The following CARNS1 variants were observed in gnomAD, a reference collection of about 807,000 sequenced individuals.
CARNS1 encodes ATP-grasp domain containing 1.
A neutral mutation model predicts 74.0 loss-of-function variants in CARNS1; 61 were observed. The ratio of observed to expected loss-of-function variants is 0.82; its 90% CI spans 0.67 to 1.02. The LOEUF (loss-of-function observed/expected upper bound fraction) is 1.02, where lower values mean the gene tolerates loss of function less well. CARNS1 is among the 50% of genes least tolerant of loss of function. CARNS1 has a pLI of 0.00. For missense variants in CARNS1, 1,278 were observed against 1,308.4 expected (o/e 0.98, Z 0.36); for synonymous variants, 568 against 605.5 (o/e 0.94, Z 0.91).
Position 67,420,600 on chromosome 11 carries a change from C to A in CARNS1, c.1114-9C>A. The A allele has an allele frequency of 8.1e-7, 1 of 1,237,034 alleles. No homozygotes were observed. Among genetic ancestry groups the A allele is most frequent in the Non-Finnish European group, 1.0e-6 (1 of 990,724 alleles). The allele number at this position is 1,237,034 out of a possible 1,614,324, so 76.6% of individuals were successfully genotyped here. ...GTGTGGGCCTCCCCCTGAGTCTCCC[C>A]CTGCCCAGGTGGTGTGCGGCGTGGG... On this transcript the variant is annotated splice_polypyrimidine_tract_variant and intron_variant, in intron 7 of 9. Transcript: ENST00000687366.
rs773632607 is a variant in CARNS1 at position 67,419,565 on chromosome 11, G to A, written c.931G>A (p.Val311Met). 2.3e-5 allele frequency: 37 copies of A among 1,607,142 alleles called. No homozygotes were observed. In the Admixed American group the frequency reaches 5.2e-4, roughly 23 times the overall value. The change falls in exon 6 of 10, where the codon GTG becomes ATG. Residue 311 changes from valine (V) to methionine (M), a missense_variant. Around this residue, in one of 3 missense-constraint regions of CARNS1, gnomAD observed 1,164 missense variants for 1,156.5 expected, o/e 1.01. Coordinates refer to ENST00000687366, the MANE Select transcript of CARNS1 (RefSeq NM_001166222.2). ...GCACCCGCGGGCAGAGCTGGGTGCA[G>A]TGGTGGACACAGTGCTGGCGCTGCT... ...RLHPRAELGA[V>M]VDTVLALLEK...
In CARNS1 at chr11:67,424,321, A is replaced by C; in HGVS notation, c.2573A>C (p.His858Pro). ...ALPTRPRARGHLVGVMCLVSQ... is the reference protein window; with the variant it reads ...ALPTRPRARGPLVGVMCLVSQ... ...CCCACCCGCCCACGTGCTCGTGGCC[A>C]TCTGGTGGGCGTCATGTGCCTTGTG... The change falls in exon 10 of 10, where the codon CAT becomes CCT. Residue 858 changes from histidine (H) to proline (P), a missense_variant. This residue lies in a region of CARNS1 where 1,164 missense variants were observed against 1,156.5 expected (regional missense o/e 1.01). Coordinates refer to ENST00000687366, the MANE Select transcript of CARNS1 (RefSeq NM_001166222.2). 4 of 1,611,020 alleles carry C rather than the reference A, an allele frequency of 2.5e-6. No individual in the cohort carries two copies. Among genetic ancestry groups the C allele is most frequent in the Non-Finnish European group, 3.4e-6 (4 of 1,179,028 alleles).
At chr11:67,416,497 G>A in intron 2 of CARNS1, 1 of 1,270,532 alleles carries the variant, frequency 7.9e-7, no homozygotes, top group Non-Finnish European at 1.0e-6. Context: ...ATGAGGCCCA[G>A]TCCTCTGCCG....
rs915309466 is a variant in CARNS1 at position 67,420,228 on chromosome 11, G to A, written c.1114-381G>A. On this transcript the variant is annotated intron_variant, in intron 7 of 9. Coordinates refer to ENST00000687366, the MANE Select transcript of CARNS1 (RefSeq NM_001166222.2). ...CAGGAAGGCTTACGGACCCTCCTGA[G>A]TACCCCGCTCTAGGCTACACTGAGA... Among the ~76,000 whole-genome samples the A allele has an allele frequency of 4.6e-5, 7 of 152,176 alleles. 1 individual carries two copies. The South Asian group carries it at 1.4e-3, about 31-fold the overall frequency.
In CARNS1 at chr11:67,416,903, G is replaced by C. The variant is rs140685154; in HGVS notation, c.4-504G>C. On this transcript the variant is annotated intron_variant, in intron 2 of 9. Transcript: ENST00000687366. ...CAGTAGGGCTTCAAGACCTACGTGG[G>C]GATGACAGTGGAATCACATTTAGGT... 3.6e-4 allele frequency: 351 copies of C among 986,936 alleles called. No homozygotes were observed. The African/African-American group carries it at 5.6e-3, about 16-fold the overall frequency. The allele number at this position is 986,936 out of a possible 1,614,324, so 61.1% of individuals were successfully genotyped here.
At position 67,423,515 on chromosome 11, in the gene CARNS1, G is replaced by A. The variant is rs769565098; in HGVS notation, c.1767G>A (p.Lys589=). 4 of 1,613,696 alleles carry A rather than the reference G, an allele frequency of 2.5e-6. No homozygotes were observed. Among genetic ancestry groups the A allele is most frequent in the East Asian group, 4.5e-5 (2 of 44,898 alleles). The part of the protein sequence containing the change: ...LAELVRARGL[K]LDGCFSYWDD... The stretch of plus-strand genomic sequence containing the variant: ...AGTTGGTGCGGGCTCGCGGCCTCAA[G>A]CTAGATGGCTGCTTCTCCTACTGGG... Residue 589 remains lysine, a synonymous_variant, in exon 10 of 10, where the codon AAG becomes AAA. Transcript: ENST00000687366. The surrounding 1 kb of genome is among the most constrained non-coding windows in gnomAD (Gnocchi z 5.1).
In CARNS1 at chr11:67,418,910, C is replaced by T. The variant is rs1426819970; in HGVS notation, c.519C>T (p.Thr173=). The T allele has an allele frequency of 1.4e-5, 23 of 1,592,786 alleles. No homozygotes were observed. Among genetic ancestry groups the T allele is most frequent in the Non-Finnish European group, 2.0e-5 (23 of 1,169,614 alleles). Residue 173 remains threonine (T), a synonymous_variant, in exon 5 of 10, where the codon ACC becomes ACT. Transcript: ENST00000687366. The stretch of plus-strand genomic sequence containing the variant: ...ACTTTGTCCCCCCGCGCCGTGCCAC[C>T]TACTTTTTGGCAGGCCTGGGCCTGG... ...LDDFVPPRRA[T]YFLAGLGLGP... is the part of the protein sequence containing the mutation.
At chr11:67,422,740 T>A (rs764579774) in intron 9 of CARNS1, among the ~76,000 whole-genome samples, 3 of 152,186 alleles carry the variant, frequency 2.0e-5, no homozygotes, top group Non-Finnish European at 2.9e-5. Context: ...GCACCCCCTG[T>A]GGACACCACC....
chr11:67,423,930 G>C lies in CARNS1; in HGVS notation c.2182G>C (p.Val728Leu), dbSNP rs1239504232. ...WGNAMLLMEF[V>L]EGTEHDVDLV... ...CAATGCCATGCTGCTGATGGAGTTT[G>C]TGGAGGGCACCGAGCACGACGTGGA... Residue 728 changes from valine to leucine, a missense_variant, in exon 10 of 10, where the codon GTG becomes CTG. Around this residue, in one of 3 missense-constraint regions of CARNS1, gnomAD observed 1,164 missense variants for 1,156.5 expected, o/e 1.01. Transcript: ENST00000687366. This position sits in a 1 kb window ranked among gnomAD's most constrained non-coding sequence, Gnocchi z 5.1. 3 of 1,613,690 alleles carry C rather than the reference G, an allele frequency of 1.9e-6. No homozygotes were observed. The South Asian group carries it at 3.3e-5, about 18-fold the overall frequency.
chr11:67,420,692 G>T lies in CARNS1; in HGVS notation c.1197G>T (p.Gln399His). The T allele has an allele frequency of 7.9e-7, 1 of 1,266,860 alleles. No homozygotes were observed. Among genetic ancestry groups the T allele is most frequent in the South Asian group, 3.1e-5 (1 of 32,198 alleles). The allele number at this position is 1,266,860 out of a possible 1,614,324, so 78.5% of individuals were successfully genotyped here. The change falls in exon 8 of 10, where the codon CAG becomes CAT. Residue 399 changes from glutamine to histidine, a missense_variant. Transcript: ENST00000687366. ...LPRTLEVALA[Q>H]CGLGEEAQVA... Reference sequence around the variant, plus strand: ...GGACGCTGGAGGTGGCGCTGGCCCAGTGCGGCCTGGGCGAGGAGGCGCAGG... The same window carrying T: ...GGACGCTGGAGGTGGCGCTGGCCCATTGCGGCCTGGGCGAGGAGGCGCAGG...
intron 2 of CARNS1, chr11:67,416,480 C>G (rs1346324232): frequency 1.5e-6 from 2 of 1,313,826 alleles, no homozygotes; most frequent in African/African-American, 3.0e-5. Context: ...GGGATTCGAG[C>G]CCAGGCATGA....
chr11:67,421,451 T>C lies in CARNS1; in HGVS notation c.1626+232T>C, dbSNP rs143587522. Among the ~76,000 whole-genome samples, 1,068 of 152,194 alleles carry C rather than the reference T, an allele frequency of 7.0e-3. 9 individuals carry two copies. The highest frequency in any genetic ancestry group is 0.037 in the Middle Eastern group (11 of 294). ...CCGCTAGTTCTGGAGTGAGAGGCCC[T>C]GGGGAGGGCAGGGAGTCCTCCACAG... On this transcript the variant is annotated intron_variant, in intron 9 of 9. Transcript: ENST00000687366.
Position 67,424,442 on chromosome 11 carries a change from G to C in CARNS1, c.2694G>C (p.Glu898Asp). Residue 898 changes from glutamate (E) to aspartate (D), a missense_variant, in exon 10 of 10, where the codon GAG (glutamate) becomes GAC (aspartate). By Grantham distance (45) the Glu-to-Asp change is conservative (BLOSUM62 2). Transcript: ENST00000687366. ...RGLLRLNLLE[E>D]ALVPGEYEEP... ...TGCTACGCCTCAATCTGCTGGAGGA[G>C]GCCCTGGTGCCTGGCGAGTATGAGG... 6.3e-7 allele frequency: 1 copy of C among 1,589,428 alleles called. No homozygotes were observed. Among genetic ancestry groups the C allele is most frequent in the Non-Finnish European group, 8.6e-7 (1 of 1,168,950 alleles).
intron 7 of CARNS1, 128 bp from the exon 8 acceptor site, chr11:67,420,481 C>A: frequency 2.0e-6 from 1 of 495,502 alleles, no homozygotes; most frequent in Non-Finnish European, 3.2e-6. Context: ...CAATTTAAGA[C>A]ACGTTGGAGG....
chr11:67,418,816 C>G lies in CARNS1; in HGVS notation c.425C>G (p.Pro142Arg), dbSNP rs61744660. The G allele has an allele frequency of 6.2e-7, 1 of 1,600,768 alleles. No homozygotes were observed. Among genetic ancestry groups the G allele is most frequent in the Non-Finnish European group, 8.5e-7 (1 of 1,174,312 alleles). Residue 142 changes from proline to arginine, a missense_variant, in exon 5 of 10, where the codon CCG becomes CGG. Pro to Arg is a moderately radical substitution (Grantham distance 103). This residue lies in a region of CARNS1 where 1,164 missense variants were observed against 1,156.5 expected (regional missense o/e 1.01). Transcript: ENST00000687366. ...ATGAAGGTGCCAGCACCCGGGCAGC[C>G]GGGTGAGGCAGCCCTGCTAGTCTCC... ...WLMKVPAPGQ[P>R]GEAALLVSKA...
rs375103517 is a variant in CARNS1 at position 67,423,566 on chromosome 11, G to A, written c.1818G>A (p.Leu606=). ...YWDDCLVLTA[L]LCQELGLPCS... Reference sequence around the variant, plus strand: ...ATGACTGCCTGGTGCTCACAGCCCTGCTCTGCCAGGAGCTAGGTCTGCCCT... The same window carrying A: ...ATGACTGCCTGGTGCTCACAGCCCTACTCTGCCAGGAGCTAGGTCTGCCCT... The change falls in exon 10 of 10, where the codon CTG becomes CTA. Residue 606 remains leucine (L), a synonymous_variant. Coordinates refer to ENST00000687366, the MANE Select transcript of CARNS1 (RefSeq NM_001166222.2). The surrounding 1 kb of genome is among the most constrained non-coding windows in gnomAD (Gnocchi z 5.1). 2 of 1,611,234 alleles carry A rather than the reference G, an allele frequency of 1.2e-6. No homozygotes were observed. Among genetic ancestry groups the A allele is most frequent in the Non-Finnish European group, 1.7e-6 (2 of 1,178,828 alleles).
At position 67,420,650 on chromosome 11, in the gene CARNS1, C is replaced by T; in HGVS notation, c.1155C>T (p.His385=). The T allele has an allele frequency of 1.6e-6, 2 of 1,251,874 alleles. No homozygotes were observed. The highest frequency in any genetic ancestry group is 2.0e-6 in the Non-Finnish European group (2 of 999,864). 77.5% of individuals were successfully genotyped at this position (1,251,874 alleles called of 1,614,324 possible). Residue 385 remains histidine, a synonymous_variant, in exon 8 of 10, where the codon CAC becomes CAT. Transcript: ENST00000687366. The part of the protein sequence containing the change: ...GVGRGDRPLR[H]HNSLPRTLEV... ...GCCGCGGGGACCGCCCTCTACGGCACCACAACTCCCTGCCGAGGACGCTGG... is the reference window on the plus strand; with the variant it reads ...GCCGCGGGGACCGCCCTCTACGGCATCACAACTCCCTGCCGAGGACGCTGG...
At position 67,416,156 on chromosome 11, in the gene CARNS1, C is replaced by T; in HGVS notation, c.-24-20C>T. On this transcript the variant is annotated intron_variant, in intron 1 of 9. Transcript: ENST00000687366. Reference sequence around the variant, plus strand: ...TGCCCTGACTCCTTCGTCTCTCTGTCCCTCTGTCTCTGCCATCAGTCTCTC... The same window carrying T: ...TGCCCTGACTCCTTCGTCTCTCTGTTCCTCTGTCTCTGCCATCAGTCTCTC... 1.4e-6 allele frequency: 2 copies of T among 1,408,748 alleles called. No homozygotes were observed. The highest frequency in any genetic ancestry group is 9.7e-7 in the Non-Finnish European group (1 of 1,029,916). The allele number at this position is 1,408,748 out of a possible 1,614,324, so 87.3% of individuals were successfully genotyped here.
chr11:67,416,329 G>T, intron 2 of CARNS1, 127 bp downstream of exon 2: 2 of 1,494,280 alleles, frequency 1.3e-6, no homozygotes, highest in South Asian at 1.3e-5. Context: ...TTAGACCCAC[G>T]ACCAGCTCCC....
Sources: allele counts gnomAD v4.1 joint callset (sites outside exome capture counted in the v4.1 genomes callset), GRCh38; gene constraint gnomAD v4.1.1; regional missense constraint gnomAD v4.1.1; non-coding constraint Gnocchi (gnomAD v3.1); transcripts MANE v1.5; gene names NCBI Gene and HGNC (gene_info 2026-07-23, HGNC 2026-07-21).